CLIC5: variants seen among roughly 807,000 people sequenced by gnomAD.
CLIC5 encodes chloride intracellular channel protein 5.
A neutral mutation model predicts 24.7 loss-of-function variants in CLIC5; 20 were observed. That is an observed-to-expected ratio of 0.81 (90% CI 0.57 to 1.18). CLIC5 has a LOEUF of 1.18. Among genes scored for constraint, CLIC5 ranks in the 50% most tolerant of loss-of-function variants. The pLI, the probability that CLIC5 is intolerant of heterozygous loss-of-function variation, is 0.00. For missense variants in CLIC5, 341 were observed against 326.1 expected, an observed-to-expected ratio of 1.05 and a Z score of -0.35; for synonymous variants, 159 against 135.6, an observed-to-expected ratio of 1.17 and a Z score of -1.20.
chr6:46,016,196 GGGGA>G, upstream of CLIC5, among the ~76,000 whole-genome samples: 2 of 123,758 alleles, frequency 1.6e-5, no homozygotes, highest in African/African-American at 3.1e-5. Flanking sequence ...GAAGGGGAAA[GGGGA>G]AGGGGAAGAG....
Position 45,902,870 on chromosome 6 carries a change from T to C in CLIC5, c.*218A>G. ...CAGGCTGGCCGGCCGAAAGGTGGACTGTGTCTATCATTTCTGCTAGATTCC... is the reference window on the plus strand; with the variant it reads ...CAGGCTGGCCGGCCGAAAGGTGGACCGTGTCTATCATTTCTGCTAGATTCC... On this transcript the variant is annotated 3_prime_UTR_variant, in exon 6 of 6. Transcript: ENST00000339561. 5.3e-6 allele frequency: 3 copies of C among 564,908 alleles called. No individual in the cohort carries two copies. Among genetic ancestry groups the C allele is most frequent in the Non-Finnish European group, 9.3e-6 (3 of 322,584 alleles). The allele number at this position is 564,908 out of a possible 1,614,324, so 35.0% of individuals were successfully genotyped here. A position where few individuals can be genotyped will look rare whatever the true frequency, so the allele number is the denominator to read the frequency against.
At chr6:45,957,866 A>G (rs1307765019) in intron 1 of CLIC5, among the ~76,000 whole-genome samples, 1 of 152,152 alleles carries the variant, frequency 6.6e-6, no homozygotes, top group African/African-American at 2.4e-5. Flanking sequence ...TGAAACATCA[A>G]CAGAGAAGAA....
At chr6:45,916,335 T>C (rs1270268891) in intron 4 of CLIC5, among the ~76,000 whole-genome samples, 2 of 152,172 alleles carry the variant, frequency 1.3e-5, no homozygotes, top group East Asian at 3.8e-4. Flanking sequence ...TGTGATGGGA[T>C]TGCAAGGCTA....
chr6:45,990,031 C>A (rs1215036626), intron 1 of CLIC5, among the ~76,000 whole-genome samples: 1 of 152,170 alleles, frequency 6.6e-6, no homozygotes, highest in Non-Finnish European at 1.5e-5. Flanking sequence ...TTCCTCTGAA[C>A]CAGGCAACCT....
rs562854184 is a variant in CLIC5, at chr6:45,941,563, C to T, written c.390G>A (p.Lys130=). ...SKFSAYIKNT[K]QQNNAALERG... ...GTCACTCACCAGCATTGTTCTGCTG[C>T]TTGGTATTTTTGATGTAGGCAGAAA... The change falls in exon 4 of 6, where the codon AAG becomes AAA. Residue 130 remains lysine, a synonymous_variant. Transcript: ENST00000339561. 1.2e-6 allele frequency: 2 copies of T among 1,613,192 alleles called. No individual in the cohort carries two copies. Among genetic ancestry groups the T allele is most frequent in the African/African-American group, 2.7e-5 (2 of 75,000 alleles).
intron 4 of CLIC5, among the ~76,000 whole-genome samples, chr6:45,941,281 T>C (rs1764120805): frequency 6.6e-6 from 1 of 152,186 alleles, no homozygotes; most frequent in Admixed American, 6.5e-5. Context: ...CAGGCTCAGA[T>C]GACAAAGAGC....
chr6:46,126,604 T>C, the CLIC5 span, among the ~76,000 whole-genome samples: 27 of 152,218 alleles, frequency 1.8e-4, no homozygotes, highest in Admixed American at 1.8e-3. Flanking sequence ...AAAGGAACTT[T>C]CAAAATCACT....
chr6:45,996,827 T>C (rs1436565584), intron 1 of CLIC5, among the ~76,000 whole-genome samples: 1 of 151,730 alleles, frequency 6.6e-6, no homozygotes, highest in Non-Finnish European at 1.5e-5. Context: ...CCAGTTAGAA[T>C]GGCAATCATT....
intron 1 of CLIC5, among the ~76,000 whole-genome samples, chr6:46,071,670 T>C (rs780430508): frequency 6.6e-6 from 1 of 152,114 alleles, no homozygotes; most frequent in Non-Finnish European, 1.5e-5. Context: ...TGGAAAGCAG[T>C]GTGGTGGTGA....
chr6:45,997,013 C>T (rs1268525138), intron 1 of CLIC5, among the ~76,000 whole-genome samples: 2 of 152,050 alleles, frequency 1.3e-5, no homozygotes, highest in Non-Finnish European at 2.9e-5. Context: ...GGTATATACC[C>T]AAAAGACTAT....
At position 45,996,092 on chromosome 6, in the gene CLIC5, T is replaced by C. The variant is rs181026796; in HGVS notation, c.63+19388A>G. On this transcript the variant is annotated intron_variant, in intron 1 of 5. Transcript: ENST00000339561. The stretch of plus-strand genomic sequence containing the variant: ...CACATGTTTACCTATGTAACAAACC[T>C]GCACATCCTGCACATGTACCTCAGA... Among the ~76,000 whole-genome samples, 749 of 148,180 alleles carry C rather than the reference T, an allele frequency of 5.1e-3. 5 individuals carry two copies. Among genetic ancestry groups the C allele is most frequent in the African/African-American group, 0.018 (720 of 39,936 alleles).
chr6:45,896,588 T>C (rs1762395650), downstream of CLIC5, among the ~76,000 whole-genome samples: 1 of 152,208 alleles, frequency 6.6e-6, no homozygotes, highest in South Asian at 2.1e-4. Context: ...GGTTAGCTAC[T>C]AGACATAAAA....
In CLIC5 at chr6:45,903,002, C is replaced by G. The variant is rs1288376397; in HGVS notation, c.*86G>C. The G allele has an allele frequency of 6.9e-7, 1 of 1,439,298 alleles. No individual in the cohort carries two copies. The highest frequency in any genetic ancestry group is 9.6e-7 in the Non-Finnish European group (1 of 1,037,412). 89.2% of individuals were successfully genotyped at this position (1,439,298 alleles called of 1,614,324 possible). On this transcript the variant is annotated 3_prime_UTR_variant, in exon 6 of 6. Transcript: ENST00000339561. ...TGATTATAAAAAGTGCGCCTCAAGG[C>G]AGTGATACAGAGGAGTCTATGAAGC...
At chr6:46,081,746 A>G (rs114132213), upstream of CLIC5, among the ~76,000 whole-genome samples, 175 of 152,354 alleles carry the variant, frequency 1.1e-3, no homozygotes, top group African/African-American at 4.0e-3. Flanking sequence ...AAAAAAATTT[A>G]AACCTAGAAA....
At chr6:46,037,123 C>T (rs1417324532) in intron 1 of CLIC5, among the ~76,000 whole-genome samples, 1 of 152,140 alleles carries the variant, frequency 6.6e-6, no homozygotes, top group Non-Finnish European at 1.5e-5. Flanking sequence ...ATCCAAGGAC[C>T]TTCATCATAA....
chr6:45,931,752 G>C (rs140623571), intron 4 of CLIC5, among the ~76,000 whole-genome samples: 2 of 152,048 alleles, frequency 1.3e-5, no homozygotes, highest in Non-Finnish European at 2.9e-5. Flanking sequence ...TCTGCCTCCC[G>C]GGTTTAAGTG....
At chr6:45,945,344 A>C (rs77868802) in intron 3 of CLIC5, among the ~76,000 whole-genome samples, 3,167 of 152,302 alleles carry the variant, frequency 0.021, 119 homozygotes, top group African/African-American at 0.073. Context: ...ATACTCACTA[A>C]ATAGCCATGT....
intron 2 of CLIC5, among the ~76,000 whole-genome samples, chr6:45,953,222 A>G (rs1321554222): frequency 6.6e-6 from 1 of 152,148 alleles, no homozygotes; most frequent in Non-Finnish European, 1.5e-5. Flanking sequence ...CCTTCACAGG[A>G]TTATACATTA....
chr6:46,028,730 C>T (rs975597239), intron 1 of CLIC5, among the ~76,000 whole-genome samples: 6 of 152,178 alleles, frequency 3.9e-5, no homozygotes, highest in Non-Finnish European at 8.8e-5. Flanking sequence ...TCCACACATG[C>T]ACAGCCTCCC....
Sources: gnomAD v4.1 joint callset for allele counts (sites outside exome capture counted in the v4.1 genomes callset) on GRCh38, gnomAD v4.1.1 for gene constraint, MANE v1.5 for transcripts, NCBI Gene and HGNC (gene_info 2026-07-23, HGNC 2026-07-21) for gene names.